The following GNL3L variants were observed in gnomAD, a reference collection of about 807,000 sequenced individuals.
The protein encoded by GNL3L is guanine nucleotide-binding protein-like 3-like protein.
GNL3L carries 4 observed loss-of-function variants against 42.9 expected under a neutral mutation model. The observed-to-expected ratio is 0.09, with a 90% CI of 0.05 to 0.21. The LOEUF (loss-of-function observed/expected upper bound fraction) is 0.21, where lower values mean the gene tolerates loss of function less well. Among genes scored for constraint, GNL3L ranks in the 10% least tolerant of loss-of-function variants. The pLI is 1.00. For missense variants in GNL3L, 412 were observed against 481.7 expected (o/e 0.86, Z 1.36); for synonymous variants, 159 against 176.3 (o/e 0.90, Z 0.78).
chrX:54,539,172 CAGTA>C, intron 3 of GNL3L, 71 bp downstream of exon 3: 2 of 562,481 alleles, frequency 3.6e-6, no homozygotes, highest in Non-Finnish European at 5.7e-6. Flanking sequence ...CCACTAAACC[CAGTA>C]AATATTGGGT....
intron 16 of GNL3L, among the ~76,000 whole-genome samples, chrX:54,578,199 G>C (rs890782985): frequency 8.9e-6 from 1 of 111,762 alleles, no homozygotes; most frequent in Non-Finnish European, 1.9e-5. Flanking sequence ...TATCATTTTT[G>C]TGTGTGTGTA....
At chrX:54,589,595 A>T (rs764440649) in intron 16 of GNL3L, among the ~76,000 whole-genome samples, 1 of 111,657 alleles carries the variant, frequency 9.0e-6, no homozygotes, top group South Asian at 3.7e-4. Context: ...ACTGAATAGT[A>T]CTCCATTTTG....
Position 54,566,576 on chromosome X carries a change from C to G in GNL3L, c.*5974C>G, listed in dbSNP as rs1438633201. Reference sequence around the variant, plus strand: ...ATAATATTTATCTTTTTGTGACTGGCTTATTTCACTTTGCATAATGTATTC... The same window carrying G: ...ATAATATTTATCTTTTTGTGACTGGGTTATTTCACTTTGCATAATGTATTC... On this transcript the variant is annotated 3_prime_UTR_variant, in exon 16 of 16. Transcript: ENST00000360845. 8.9e-6 allele frequency among the ~76,000 whole-genome samples: 1 copy of G among 112,415 alleles called. No homozygotes were observed. Among genetic ancestry groups the G allele is most frequent in the African/African-American group, 3.2e-5 (1 of 30,970 alleles).
At chrX:54,593,552 C>T (rs1291509955) in intron 16 of GNL3L, among the ~76,000 whole-genome samples, 4 of 109,332 alleles carry the variant, frequency 3.7e-5, no homozygotes, top group African/African-American at 1.3e-4. Context: ...TATCTTCTCC[C>T]AACTTTTTGT....
intron 16 of GNL3L, among the ~76,000 whole-genome samples, chrX:54,577,196 G>A (rs1022080942): frequency 8.9e-6 from 1 of 112,089 alleles, no homozygotes. Context: ...TTAGCATAAC[G>A]TTTTCAAGGT....
chrX:54,537,229 G>A (rs1281927538), intron 2 of GNL3L, among the ~76,000 whole-genome samples: 2 of 109,076 alleles, frequency 1.8e-5, no homozygotes, highest in African/African-American at 6.7e-5. Context: ...TCACTATGTT[G>A]CCTGGATTAG....
At chrX:54,639,302 T>C in the GNL3L span, among the ~76,000 whole-genome samples, 19,319 of 110,662 alleles carry the variant, frequency 0.17, 2,958 homozygotes, top group African/African-American at 0.51. Flanking sequence ...ATTAAGGTCT[T>C]ACTTTGAATA....
intron 2 of GNL3L, among the ~76,000 whole-genome samples, chrX:54,535,430 T>C (rs1056712705): frequency 8.0e-5 from 9 of 111,944 alleles, no homozygotes; most frequent in African/African-American, 2.9e-4. Context: ...TACCATCTTA[T>C]TTTATATTTA....
At chrX:54,608,196 C>T (rs1444745438) in intron 16 of GNL3L, among the ~76,000 whole-genome samples, 1 of 110,704 alleles carries the variant, frequency 9.0e-6, no homozygotes, top group Non-Finnish European at 1.9e-5. Context: ...CCTGGGTAGT[C>T]ATGTCTTTAC....
intron 16 of GNL3L, among the ~76,000 whole-genome samples, chrX:54,614,700 G>A (rs1926201975): frequency 9.0e-6 from 1 of 111,443 alleles, no homozygotes; most frequent in Non-Finnish European, 1.9e-5. Context: ...TTCTCCAATG[G>A]GAGTGTGTGT....
chrX:54,628,857 GT>G, the GNL3L span, among the ~76,000 whole-genome samples: 4 of 104,046 alleles, frequency 3.8e-5, no homozygotes, highest in Admixed American at 1.1e-4. Context: ...CTGTGCAGAA[GT>G]TTTTTTAGTT....
rs973323130 is a variant in GNL3L, at chrX:54,532,934, C to T, written c.19+349C>T. On this transcript the variant is annotated intron_variant, in intron 2 of 15. Transcript: ENST00000360845. ...TCGGCCTCCCAAAGTGCTGGGATTA[C>T]AGGCATGAGCCACTGCGCCCAGCCT... Among the ~76,000 whole-genome samples the T allele has an allele frequency of 6.5e-4, 73 of 112,140 alleles. 1 individual carries two copies. The highest frequency in any genetic ancestry group is 2.3e-3 in the African/African-American group (72 of 30,837).
downstream of GNL3L, among the ~76,000 whole-genome samples, chrX:54,624,438 C>CTTTTTT (rs761943977): frequency 5.0e-4 from 41 of 82,447 alleles, no homozygotes; most frequent in Non-Finnish European, 8.2e-4. Flanking sequence ...TTTTCTTTTT[C>CTTTTTT]TTTTTTTTTT....
At chrX:54,643,102 T>C in the GNL3L span, among the ~76,000 whole-genome samples, 8 of 111,882 alleles carry the variant, frequency 7.2e-5, no homozygotes, top group African/African-American at 2.6e-4. Context: ...AGTTCTATAA[T>C]TGCCTTTTTC....
chrX:54,534,456 C>T (rs1601974925), intron 2 of GNL3L, among the ~76,000 whole-genome samples: 1 of 110,717 alleles, frequency 9.0e-6, no homozygotes, highest in African/African-American at 3.3e-5. Flanking sequence ...TTTGATGCTA[C>T]GGCAGAGGAA....
rs1400001178 is a variant in GNL3L, at chrX:54,565,570, A to G, written c.*4968A>G. Among the ~76,000 whole-genome samples, 1 of 110,967 alleles carries G rather than the reference A, an allele frequency of 9.0e-6. No individual in the cohort carries two copies. On this transcript the variant is annotated 3_prime_UTR_variant, in exon 16 of 16. Coordinates refer to ENST00000360845, the MANE Select transcript of GNL3L (RefSeq NM_001184819.2). Reference sequence around the variant, plus strand: ...GGATGGTCTTGAACTGCTGGCCTCAAGTAATCCTCCCATCTCGGTCTCCCA... The same window carrying G: ...GGATGGTCTTGAACTGCTGGCCTCAGGTAATCCTCCCATCTCGGTCTCCCA...
In GNL3L at chrX:54,560,075, T is replaced by C. The variant is rs938568530; in HGVS notation, c.1667-445T>C. Among the ~76,000 whole-genome samples, 3 of 109,204 alleles carry C rather than the reference T, an allele frequency of 2.7e-5. No individual in the cohort carries two copies. In the Admixed American group the frequency reaches 2.9e-4, roughly 11 times the overall value. The allele number at this position is 109,204 out of a possible 115,157, so 94.8% of individuals were successfully genotyped here. On this transcript the variant is annotated intron_variant, in intron 15 of 15. Coordinates refer to ENST00000360845, the MANE Select transcript of GNL3L (RefSeq NM_001184819.2). ...AAGGCCTCCTGGAGGAGGTGAAGTC[T>C]GGGGGGCATCCTGAGGAACAACAGG...
intron 8 of GNL3L, among the ~76,000 whole-genome samples, chrX:54,547,396 A>G (rs1924806919): frequency 9.0e-6 from 1 of 110,552 alleles, no homozygotes; most frequent in African/African-American, 3.3e-5. Context: ...GCTAATTCCA[A>G]TTTTGTGATA....
At chrX:54,641,731 T>C in the GNL3L span, among the ~76,000 whole-genome samples, 5 of 112,163 alleles carry the variant, frequency 4.5e-5, no homozygotes, top group Admixed American at 3.8e-4. Flanking sequence ...ATCAGATTGC[T>C]CTCTTGGGAA....
Sources: allele counts gnomAD v4.1 joint callset (sites outside exome capture counted in the v4.1 genomes callset), GRCh38; gene constraint gnomAD v4.1.1; transcripts MANE v1.5; gene names NCBI Gene and HGNC (gene_info 2026-07-23, HGNC 2026-07-21).